ARSB: variants seen among roughly 807,000 people sequenced by gnomAD.
ARSB encodes N-acetylgalactosamine-4-sulfatase.
Under a neutral mutation model 50.9 loss-of-function variants are expected in ARSB, and 41 were observed. The ratio of observed to expected loss-of-function variants is 0.81; its 90% confidence interval spans 0.63 to 1.04. ARSB has a LOEUF of 1.04. Ranked by LOEUF, ARSB falls within the 50% of genes least tolerant of loss-of-function variation. The pLI is 0.00. For missense variants in ARSB, 672 were observed against 693.3 expected (o/e 0.97, Z 0.35); for synonymous variants, 269 against 284.8 (o/e 0.94, Z 0.56).
At chr5:78,861,225 C>G (rs994184097) in intron 5 of ARSB, among the ~76,000 whole-genome samples, 2 of 152,154 alleles carry the variant, frequency 1.3e-5, no homozygotes, top group Non-Finnish European at 2.9e-5. Context: ...CTATTCCAAT[C>G]AACAGAAAAA....
chr5:78,951,687 G>T (rs990078484), intron 4 of ARSB, among the ~76,000 whole-genome samples: 2 of 151,992 alleles, frequency 1.3e-5, no homozygotes, highest in African/African-American at 2.4e-5. Context: ...CTATATTTCA[G>T]GCAAAATTAA....
intron 4 of ARSB, among the ~76,000 whole-genome samples, chr5:78,918,964 T>C (rs550646174): frequency 6.6e-6 from 1 of 152,164 alleles, no homozygotes; most frequent in Non-Finnish European, 1.5e-5. Flanking sequence ...AATGCTGCAG[T>C]TGAGTACTGG....
chr5:78,922,987 A>T (rs17221983), intron 4 of ARSB, among the ~76,000 whole-genome samples: 41,018 of 152,100 alleles, frequency 0.27, 6,098 homozygotes, highest in Non-Finnish European at 0.33. Flanking sequence ...CAAGGGAGTC[A>T]GTATGAACAT....
intron 6 of ARSB, among the ~76,000 whole-genome samples, chr5:78,824,448 C>A (rs1561441746): frequency 6.6e-6 from 1 of 152,182 alleles, no homozygotes; most frequent in Non-Finnish European, 1.5e-5. Flanking sequence ...AGAGACCCAG[C>A]AGTATTGGCA....
At chr5:78,816,209 C>T (rs1011796956) in intron 6 of ARSB, 137 of 1,608,598 alleles carry the variant, frequency 8.5e-5, no homozygotes, top group Non-Finnish European at 1.1e-4. Flanking sequence ...AGATTTCTTA[C>T]AATCTCACTA....
At chr5:78,977,861 G>A (rs1219188716) in intron 1 of ARSB, among the ~76,000 whole-genome samples, 1 of 152,118 alleles carries the variant, frequency 6.6e-6, no homozygotes, top group Non-Finnish European at 1.5e-5. Flanking sequence ...CATTAAGGTT[G>A]CAAAATGATC....
intron 5 of ARSB, among the ~76,000 whole-genome samples, chr5:78,876,263 G>T (rs1258596324): frequency 6.6e-6 from 1 of 152,148 alleles, no homozygotes; most frequent in Non-Finnish European, 1.5e-5. Flanking sequence ...ATTGCAAAAA[G>T]CTGGGTCTGT....
rs1748807116 is a variant in ARSB at position 78,777,688 on chromosome 5, A to G, written c.*2709T>C. On this transcript the variant is annotated 3_prime_UTR_variant, in exon 8 of 8. Transcript: ENST00000264914. ...GCCAACATGGTGAAACCCTATCTCT[A>G]CGAAAAATACAAAACATAGCCAGGC... is the stretch of plus-strand genomic sequence containing the variant. 6.6e-6 allele frequency: 1 copy of G among 152,052 alleles called. No individual in the cohort carries two copies. Among genetic ancestry groups the G allele is most frequent in the Admixed American group, 6.6e-5 (1 of 15,238 alleles). The allele number at this position is 152,052 out of a possible 1,614,324, so 9.4% of individuals were successfully genotyped here.
In ARSB at chr5:78,934,517, G is replaced by A. The variant is rs1484935525; in HGVS notation, c.898+20778C>T. 2.6e-5 allele frequency among the ~76,000 whole-genome samples: 4 copies of A among 152,040 alleles called. No individual in the cohort carries two copies. The East Asian group carries it at 5.8e-4, about 22-fold the overall frequency. On this transcript the variant is annotated intron_variant, in intron 4 of 7. Transcript: ENST00000264914. ...AGAGTTAAAAAATAGGAAAATGAAT[G>A]AATAGTTAATGAAAGAGAAAATGTT...
intron 4 of ARSB, among the ~76,000 whole-genome samples, chr5:78,893,046 G>A (rs538864817): frequency 1.3e-5 from 2 of 152,248 alleles, no homozygotes; most frequent in South Asian, 4.1e-4. Flanking sequence ...CCCAGTGGGA[G>A]ATAATTGAAT....
chr5:78,961,829 C>A (rs7724023), intron 3 of ARSB, among the ~76,000 whole-genome samples: 40,185 of 151,650 alleles, frequency 0.26, 6,624 homozygotes, highest in African/African-American at 0.47. Flanking sequence ...GCTGTCACTG[C>A]ACCAGGTGTC....
intron 1 of ARSB, among the ~76,000 whole-genome samples, chr5:78,975,624 T>C (rs531297254): frequency 6.6e-6 from 1 of 152,202 alleles, no homozygotes; most frequent in Non-Finnish European, 1.5e-5. Context: ...TTCTTAACTA[T>C]TTTCCCAGAA....
At chr5:78,808,233 C>A (rs77681248) in intron 6 of ARSB, among the ~76,000 whole-genome samples, 1 of 150,646 alleles carries the variant, frequency 6.6e-6, no homozygotes, top group Admixed American at 6.6e-5. Context: ...TTACCTCCCA[C>A]CCCCTCCTCC....
At chr5:78,839,661 T>C (rs982722571) in intron 5 of ARSB, among the ~76,000 whole-genome samples, 2 of 152,168 alleles carry the variant, frequency 1.3e-5, no homozygotes, top group African/African-American at 4.8e-5. Context: ...GAAGATATTT[T>C]AAAAAATGAT....
chr5:78,947,102 A>C (rs1279034871), intron 4 of ARSB, among the ~76,000 whole-genome samples: 1 of 152,168 alleles, frequency 6.6e-6, no homozygotes, highest in Non-Finnish European at 1.5e-5. Context: ...CTAGACCCCT[A>C]TCTCTCACCA....
rs367718933 is a variant in ARSB, at chr5:78,954,050, CA to C, written c.898+1244del. ...TAAAATAAATTCAATAGGAAGCTTA[CA>C]AAACAGTAAGATTTCCCAAATACTA... On this transcript the variant is annotated intron_variant, in intron 4 of 7. Transcript: ENST00000264914. 4.8e-4 allele frequency among the ~76,000 whole-genome samples: 72 copies of C among 150,306 alleles called. 2 individuals carry two copies. In the East Asian group the frequency reaches 0.013, roughly 28 times the overall value.
rs199701699 is a variant in ARSB at position 78,816,035 on chromosome 5, A to G, written c.1213+23321T>C. ...GGCCCTTTCAGAACCTTGGGTCTGA[A>G]GTCATTTCTTATGCCCTGGGTTATC... On this transcript the variant is annotated intron_variant, in intron 6 of 7. Transcript: ENST00000264914. 9.0e-4 allele frequency: 1,445 copies of G among 1,613,314 alleles called. 62 individuals are homozygous for G. Among genetic ancestry groups the G allele is most frequent in the Non-Finnish European group, 1.1e-3 (1,349 of 1,179,618 alleles).
chr5:78,964,005 C>T (rs534215239), intron 3 of ARSB, among the ~76,000 whole-genome samples: 7 of 152,278 alleles, frequency 4.6e-5, no homozygotes, highest in South Asian at 4.1e-4. Flanking sequence ...TAAAGCCTCA[C>T]CTTACACCTA....
intron 4 of ARSB, among the ~76,000 whole-genome samples, chr5:78,915,287 C>CT (rs1314638492): frequency 2.2e-4 from 33 of 146,958 alleles, no homozygotes; most frequent in Admixed American, 4.1e-4. Context: ...AGGCCCTTGG[C>CT]TTTTTTTTTT....
Sources: allele counts gnomAD v4.1 joint callset (sites outside exome capture counted in the v4.1 genomes callset), GRCh38; gene constraint gnomAD v4.1.1; transcripts MANE v1.5; gene names NCBI Gene and HGNC (gene_info 2026-07-23, HGNC 2026-07-21).